BAK1: variants seen among roughly 807,000 people sequenced by gnomAD.
BAK1 encodes the protein bcl-2 homologous antagonist/killer.
BAK1 carries 19 observed loss-of-function variants against 24.7 expected under a neutral mutation model. The ratio of observed to expected loss-of-function variants is 0.77; its 90% CI spans 0.54 to 1.13. The LOEUF (loss-of-function observed/expected upper bound fraction) is 1.13, where lower values mean the gene tolerates loss of function less well. Among genes scored for constraint, BAK1 ranks in the 50% most tolerant of loss-of-function variants. The probability of loss-of-function intolerance (pLI) is 0.00; values close to 1 mark genes in which losing one functional copy is unlikely to be tolerated. For missense variants in BAK1, 194 were observed against 279.4 expected, an observed-to-expected ratio of 0.69 and a Z score of 2.18; for synonymous variants, 86 against 107.3, an observed-to-expected ratio of 0.80 and a Z score of 1.23.
Position 33,577,701 on chromosome 6 carries a change from A to G in BAK1, c.-31-66T>C. The G allele has an allele frequency of 1.8e-6, 2 of 1,142,004 alleles. No individual in the cohort carries two copies. The highest frequency in any genetic ancestry group is 2.0e-4 in the Middle Eastern group (1 of 4,960). 70.7% of individuals were successfully genotyped at this position (1,142,004 alleles called of 1,614,324 possible). The stretch of plus-strand genomic sequence containing the variant: ...ACAGACCTGTGACTGGGGACCCCAT[A>G]CAGGTTGCCATGTCCACATAGGAGA... On this transcript the variant is annotated intron_variant, in intron 1 of 5. Transcript: ENST00000374467. The surrounding 1 kb of genome is among the most constrained non-coding windows in gnomAD (Gnocchi z 4.6).
chr6:33,574,126 G>C lies in BAK1; in HGVS notation c.439C>G (p.Leu147Val). 6.2e-7 allele frequency: 1 copy of C among 1,614,208 alleles called. No individual in the cohort carries two copies. ...RLALHVYQHGLTGFLGQVTRF... is the reference protein window; with the variant it reads ...RLALHVYQHGVTGFLGQVTRF... The stretch of plus-strand genomic sequence containing the variant: ...GTCACCTGGCCTAGGAAGCCAGTCA[G>C]GCCATGCTGGTAGACGTGTAGGGCC... The change falls in exon 5 of 6, where the codon CTG becomes GTG. Residue 147 changes from leucine (L) to valine (V), a missense_variant. Coordinates refer to ENST00000374467, the MANE Select transcript of BAK1 (RefSeq NM_001188.4).
chr6:33,575,693 G>T lies in BAK1; in HGVS notation c.206+100C>A. On this transcript the variant is annotated intron_variant, in intron 3 of 5. Transcript: ENST00000374467. This position sits in a 1 kb window ranked among gnomAD's most constrained non-coding sequence, Gnocchi z 6.3. ...AGGAGCAACCATGAGAGAAGGGCAA[G>T]ACCCCCGAGGCCTCCCCAGCTCCCA... 6.6e-7 allele frequency: 1 copy of T among 1,515,622 alleles called. No individual in the cohort carries two copies. Among genetic ancestry groups the T allele is most frequent in the Non-Finnish European group, 8.9e-7 (1 of 1,126,338 alleles). The allele number at this position is 1,515,622 out of a possible 1,614,324, so 93.9% of individuals were successfully genotyped here. A position where few individuals can be genotyped will look rare whatever the true frequency, so the allele number is the denominator to read the frequency against.
In BAK1 at chr6:33,575,131, C is replaced by T. The variant is rs539254744; in HGVS notation, c.350+167G>A. 5 of 1,067,698 alleles carry T rather than the reference C, an allele frequency of 4.7e-6. No homozygotes were observed. The highest frequency in any genetic ancestry group is 1.4e-5 in the South Asian group (1 of 73,760). The allele number at this position is 1,067,698 out of a possible 1,614,324, so 66.1% of individuals were successfully genotyped here. A position where few individuals can be genotyped will look rare whatever the true frequency, so the allele number is the denominator to read the frequency against. On this transcript the variant is annotated intron_variant, in intron 4 of 5. Transcript: ENST00000374467. This position sits in a 1 kb window ranked among gnomAD's most constrained non-coding sequence, Gnocchi z 6.3. Reference sequence around the variant, plus strand: ...TGCCCAAAATACAAGTCTGGGACCCCGAAAGAGAAAAATAGGGGGCCGAGA... The same window carrying T: ...TGCCCAAAATACAAGTCTGGGACCCTGAAAGAGAAAAATAGGGGGCCGAGA...
intron 1 of BAK1, among the ~76,000 whole-genome samples, chr6:33,579,409 C>G (rs147899980): frequency 2.4e-4 from 36 of 152,246 alleles, no homozygotes; most frequent in African/African-American, 8.2e-4. Flanking sequence ...ATAAGATGGC[C>G]TTCCTTCTTC....
rs1307766428 is a variant in BAK1 at position 33,575,926 on chromosome 6, C to T, written c.73G>A (p.Glu25Lys). The T allele has an allele frequency of 6.2e-7, 1 of 1,614,098 alleles. No homozygotes were observed. The highest frequency in any genetic ancestry group is 1.3e-5 in the African/African-American group (1 of 75,034). ...GEPALPSASE[E>K]QVAQDTEEVF... ...TCCTCTGTGTCCTGGGCTACCTGCT[C>T]CTCTGAGGATCAAAGCTGGGAGTCA... The change falls in exon 3 of 6, where the codon GAG becomes AAG. Residue 25 changes from glutamate (E) to lysine (K), a missense_variant and splice_region_variant. Glu to Lys is a moderately conservative substitution (Grantham distance 56). Coordinates refer to ENST00000374467, the MANE Select transcript of BAK1 (RefSeq NM_001188.4). This position sits in a 1 kb window ranked among gnomAD's most constrained non-coding sequence, Gnocchi z 6.3.
chr6:33,579,910 C>T (rs1682469232), intron 1 of BAK1, 115 bp downstream of exon 1: 1 of 152,326 alleles, frequency 6.6e-6, no homozygotes, highest in Non-Finnish European at 1.5e-5. Flanking sequence ...GGCAGACCTG[C>T]CCAGGGAAGC....
chr6:33,577,493 C>T lies in BAK1; in HGVS notation c.70+42G>A, dbSNP rs1762866391. 1 of 1,512,196 alleles carries T rather than the reference C, an allele frequency of 6.6e-7. No individual in the cohort carries two copies. Among genetic ancestry groups the T allele is most frequent in the Admixed American group, 2.0e-5 (1 of 48,900 alleles). 93.7% of individuals were successfully genotyped at this position (1,512,196 alleles called of 1,614,324 possible). A position where few individuals can be genotyped will look rare whatever the true frequency, so the allele number is the denominator to read the frequency against. On this transcript the variant is annotated intron_variant, in intron 2 of 5. Coordinates refer to ENST00000374467, the MANE Select transcript of BAK1 (RefSeq NM_001188.4). The surrounding 1 kb of genome is among the most constrained non-coding windows in gnomAD (Gnocchi z 4.6). ...TGCTCCTTCCATCCTCACGACAGCA[C>T]TCATGGTTATGGGATGGGTGAGGGG...
In BAK1 at chr6:33,577,896, G is replaced by A. The variant is rs906135595; in HGVS notation, c.-31-261C>T. 1.3e-5 allele frequency among the ~76,000 whole-genome samples: 2 copies of A among 152,192 alleles called. No individual in the cohort carries two copies. The highest frequency in any genetic ancestry group is 6.5e-5 in the Admixed American group (1 of 15,278). ...ACTTTTTATTCTTACTCCAGCATGG[G>A]TCCCAGTGAAGTCTGCTGGGAGGAA... On this transcript the variant is annotated intron_variant, in intron 1 of 5. Coordinates refer to ENST00000374467, the MANE Select transcript of BAK1 (RefSeq NM_001188.4). The surrounding 1 kb of genome is among the most constrained non-coding windows in gnomAD (Gnocchi z 4.6).
rs1265406376 is a variant in BAK1 at position 33,575,236 on chromosome 6, T to C, written c.350+62A>G. On this transcript the variant is annotated intron_variant, in intron 4 of 5. Coordinates refer to ENST00000374467, the MANE Select transcript of BAK1 (RefSeq NM_001188.4). This position sits in a 1 kb window ranked among gnomAD's most constrained non-coding sequence, Gnocchi z 6.3. ...CCAGGAGAGCATCATGCAGGCAGGG[T>C]ATGGTATGGTTGTGACATGACAGAG... The C allele has an allele frequency of 6.2e-7, 1 of 1,608,718 alleles. No individual in the cohort carries two copies. The highest frequency in any genetic ancestry group is 1.7e-5 in the Admixed American group (1 of 59,968).
At position 33,577,593 on chromosome 6, in the gene BAK1, C is replaced by T. The variant is rs1263015636; in HGVS notation, c.12G>A (p.Gly4=). 7 of 1,549,326 alleles carry T rather than the reference C, an allele frequency of 4.5e-6. No homozygotes were observed. In the South Asian group the frequency reaches 7.2e-5, roughly 16 times the overall value. Residue 4 remains glycine, a synonymous_variant, in exon 2 of 6, where the codon GGG becomes GGA. Coordinates refer to ENST00000374467, the MANE Select transcript of BAK1 (RefSeq NM_001188.4). This position sits in a 1 kb window ranked among gnomAD's most constrained non-coding sequence, Gnocchi z 4.6. ...CCTGCCTGGGAGGACCTGGGCCTTG[C>T]CCCGAAGCCATTTTTCAGGTCTCAG... is the stretch of plus-strand genomic sequence containing the variant. MAS[G]QGPGPPRQEC...
rs747731940 is a variant in BAK1, at chr6:33,575,953, G to A, written c.71-25C>T. On this transcript the variant is annotated intron_variant, in intron 2 of 5. Coordinates refer to ENST00000374467, the MANE Select transcript of BAK1 (RefSeq NM_001188.4). The surrounding 1 kb of genome is among the most constrained non-coding windows in gnomAD (Gnocchi z 6.3). Reference sequence around the variant, plus strand: ...TCTGAGGATCAAAGCTGGGAGTCAGGGAGAGAGGGCCGAACCCTGGCAGCC... The same window carrying A: ...TCTGAGGATCAAAGCTGGGAGTCAGAGAGAGAGGGCCGAACCCTGGCAGCC... The A allele has an allele frequency of 6.2e-7, 1 of 1,613,890 alleles. No individual in the cohort carries two copies. Among genetic ancestry groups the A allele is most frequent in the South Asian group, 1.1e-5 (1 of 91,062 alleles).
rs1388083558 is a variant in BAK1, at chr6:33,575,765, C to G, written c.206+28G>C. 1 of 1,609,400 alleles carries G rather than the reference C, an allele frequency of 6.2e-7. No individual in the cohort carries two copies. ...CGAGCTACTGCCTCCCTGAAGATGTCCTTGTGGGCCCAGCGGTTGTAGCTC... is the reference window on the plus strand; with the variant it reads ...CGAGCTACTGCCTCCCTGAAGATGTGCTTGTGGGCCCAGCGGTTGTAGCTC... On this transcript the variant is annotated intron_variant, in intron 3 of 5. Transcript: ENST00000374467. The surrounding 1 kb of genome is among the most constrained non-coding windows in gnomAD (Gnocchi z 6.3).
chr6:33,575,250 G>C lies in BAK1; in HGVS notation c.350+48C>G. On this transcript the variant is annotated intron_variant, in intron 4 of 5. Coordinates refer to ENST00000374467, the MANE Select transcript of BAK1 (RefSeq NM_001188.4). This position sits in a 1 kb window ranked among gnomAD's most constrained non-coding sequence, Gnocchi z 6.3. ...TGCAGGCAGGGTATGGTATGGTTGTGACATGACAGAGGAGTGACTGGAGCT... is the reference window on the plus strand; with the variant it reads ...TGCAGGCAGGGTATGGTATGGTTGTCACATGACAGAGGAGTGACTGGAGCT... 6.2e-7 allele frequency: 1 copy of C among 1,613,472 alleles called. No individual in the cohort carries two copies. Among genetic ancestry groups the C allele is most frequent in the Non-Finnish European group, 8.5e-7 (1 of 1,179,446 alleles).
chr6:33,575,158 C>G lies in BAK1; in HGVS notation c.350+140G>C. On this transcript the variant is annotated intron_variant, in intron 4 of 5. Transcript: ENST00000374467. The surrounding 1 kb of genome is among the most constrained non-coding windows in gnomAD (Gnocchi z 6.3). ...AAAGAGAAAAATAGGGGGCCGAGAC[C>G]ACATGTGAGTTCACAGCAGACATTG... 1 of 1,324,338 alleles carries G rather than the reference C, an allele frequency of 7.6e-7. No individual in the cohort carries two copies. The highest frequency in any genetic ancestry group is 1.1e-6 in the Non-Finnish European group (1 of 927,098). The allele number at this position is 1,324,338 out of a possible 1,614,324, so 82.0% of individuals were successfully genotyped here.
rs1202257617 is a variant in BAK1, at chr6:33,573,470, T to C, written c.*333A>G. On this transcript the variant is annotated 3_prime_UTR_variant, in exon 6 of 6. Coordinates refer to ENST00000374467, the MANE Select transcript of BAK1 (RefSeq NM_001188.4). ...AAAAAGCTAAAACCGTTAAACACTT[T>C]CTGGGGAGAAGTGGCTCCCAGTCTC... 2 of 339,796 alleles carry C rather than the reference T, an allele frequency of 5.9e-6. No individual in the cohort carries two copies. The highest frequency in any genetic ancestry group is 9.9e-5 in the East Asian group (2 of 20,234). 21.0% of individuals were successfully genotyped at this position (339,796 alleles called of 1,614,324 possible).
intron 2 of BAK1, among the ~76,000 whole-genome samples, chr6:33,576,392 A>T (rs1762845885): frequency 6.7e-6 from 1 of 150,354 alleles, no homozygotes; most frequent in Non-Finnish European, 1.5e-5. Flanking sequence ...GCACTTTGGG[A>T]GGCCAAGGCG....
At position 33,578,687 on chromosome 6, in the gene BAK1, C is replaced by T. The variant is rs1762886039; in HGVS notation, c.-31-1052G>A. Among the ~76,000 whole-genome samples the T allele has an allele frequency of 1.3e-5, 2 of 152,182 alleles. No individual in the cohort carries two copies. The highest frequency in any genetic ancestry group is 2.1e-4 in the South Asian group (1 of 4,830). On this transcript the variant is annotated intron_variant, in intron 1 of 5. Coordinates refer to ENST00000374467, the MANE Select transcript of BAK1 (RefSeq NM_001188.4). The surrounding 1 kb of genome is among the most constrained non-coding windows in gnomAD (Gnocchi z 4.8). Reference sequence around the variant, plus strand: ...ATTTTCCTCTTTGCCTGGTCCTGACCGCAGCCCCAACCTGCTGTGACCCCT... The same window carrying T: ...ATTTTCCTCTTTGCCTGGTCCTGACTGCAGCCCCAACCTGCTGTGACCCCT...
In BAK1 at chr6:33,573,865, G is replaced by C; in HGVS notation, c.574C>G (p.Leu192Val). ...NLGNGPILNV[L>V]VVLGVVLLGQ... ...AACAGAACCACACCCAGAACCACCA[G>C]CACGTTCAGGATGGGACCATTGCCC... Residue 192 changes from leucine to valine, a missense_variant, in exon 6 of 6, where the codon CTG becomes GTG. Physicochemically the swap from Leu to Val is conservative, Grantham distance 32. Transcript: ENST00000374467. The C allele has an allele frequency of 6.2e-7, 1 of 1,614,236 alleles. No homozygotes were observed. The highest frequency in any genetic ancestry group is 8.5e-7 in the Non-Finnish European group (1 of 1,180,032).
At chr6:33,579,403 G>A (rs5745578) in intron 1 of BAK1, among the ~76,000 whole-genome samples, 1,882 of 152,070 alleles carry the variant, frequency 0.012, 50 homozygotes, top group African/African-American at 0.042. Flanking sequence ...CCTTACATAA[G>A]ATGGCCTTCC....
Sources: gnomAD v4.1 joint callset for allele counts (sites outside exome capture counted in the v4.1 genomes callset) on GRCh38, gnomAD v4.1.1 for gene constraint, Gnocchi (gnomAD v3.1) non-coding constraint, MANE v1.5 for transcripts, NCBI Gene and HGNC (gene_info 2026-07-23, HGNC 2026-07-21) for gene names.